NCKAP5: variants seen among roughly 807,000 people sequenced by gnomAD.
NCKAP5 encodes nck-associated protein 5.
NCKAP5 carries 92 observed loss-of-function variants against 167.0 expected under a neutral mutation model. The observed-to-expected ratio is 0.55, with a 90% confidence interval of 0.47 to 0.66. The LOEUF is 0.66. Among genes scored for constraint, NCKAP5 ranks in the 30% least tolerant of loss-of-function variants. The pLI is 0.00. For missense variants in NCKAP5, 2,378 were observed against 2,315.0 expected (o/e 1.03, Z -0.56); for synonymous variants, 891 against 877.4 (o/e 1.02, Z -0.27).
chr2:133,310,493 G>A (rs1314309532), intron 3 of NCKAP5, among the ~76,000 whole-genome samples: 1 of 152,184 alleles, frequency 6.6e-6, no homozygotes, highest in Admixed American at 6.5e-5. Flanking sequence ...TATGACCAGT[G>A]CCTACAGCAC....
At chr2:133,154,552 G>C (rs961884938) in intron 5 of NCKAP5, among the ~76,000 whole-genome samples, 2 of 152,196 alleles carry the variant, frequency 1.3e-5, no homozygotes, top group Non-Finnish European at 2.9e-5. Flanking sequence ...TTAGGTATTT[G>C]ACATGCTGCT....
chr2:133,410,135 C>T (rs1286618576), intron 3 of NCKAP5, among the ~76,000 whole-genome samples: 1 of 152,176 alleles, frequency 6.6e-6, no homozygotes, highest in East Asian at 1.9e-4. Context: ...TTTGCCTCTC[C>T]GTGCCAAGTA....
intron 16 of NCKAP5, among the ~76,000 whole-genome samples, chr2:132,755,853 A>AT (rs1381904698): frequency 2.4e-5 from 3 of 127,274 alleles, no homozygotes; most frequent in African/African-American, 6.6e-5. Flanking sequence ...GCTAAATGGC[A>AT]AAATAATAAT....
At chr2:133,431,015 AAGAC>A (rs1318885629) in intron 3 of NCKAP5, among the ~76,000 whole-genome samples, 10 of 152,100 alleles carry the variant, frequency 6.6e-5, no homozygotes, top group South Asian at 2.1e-4. Context: ...AAGAAAAAGA[AAGAC>A]AGAGAGAGAG....
At chr2:133,332,700 G>C (rs1000630864) in intron 3 of NCKAP5, among the ~76,000 whole-genome samples, 1 of 152,006 alleles carries the variant, frequency 6.6e-6, no homozygotes, top group African/African-American at 2.4e-5. Flanking sequence ...CTTACACCTT[G>C]GGCTTCTAGT....
At chr2:133,482,945 G>T (rs558026954) in intron 3 of NCKAP5, among the ~76,000 whole-genome samples, 7 of 152,066 alleles carry the variant, frequency 4.6e-5, no homozygotes, top group African/African-American at 1.7e-4. Context: ...CTATAGAACC[G>T]ATGCAAAAAT....
At chr2:133,198,391 T>C (rs1327277207) in intron 5 of NCKAP5, among the ~76,000 whole-genome samples, 2 of 151,992 alleles carry the variant, frequency 1.3e-5, no homozygotes, top group Non-Finnish European at 2.9e-5. Context: ...AAGAATATAT[T>C]GAAAATTGCC....
intron 3 of NCKAP5, among the ~76,000 whole-genome samples, chr2:133,394,229 A>T (rs1687599185): frequency 6.6e-6 from 1 of 152,246 alleles, no homozygotes; most frequent in South Asian, 2.1e-4. Context: ...GGTGCTAGCG[A>T]ACTAAAAATA....
chr2:133,456,465 G>A lies in NCKAP5; in HGVS notation c.69+60993C>T, dbSNP rs117265568. 7.8e-4 allele frequency among the ~76,000 whole-genome samples: 118 copies of A among 152,232 alleles called. 2 individuals carry two copies. In the East Asian group the frequency reaches 0.019, roughly 24 times the overall value. ...GCAGAAGCCATGTGATAAGAATGGC[G>A]GGACAGAAGAGAAAAGGAGTGCAGG... is the stretch of plus-strand genomic sequence containing the variant. On this transcript the variant is annotated intron_variant, in intron 3 of 19. Transcript: ENST00000409261.
At chr2:133,182,183 C>T (rs139324973) in intron 5 of NCKAP5, among the ~76,000 whole-genome samples, 2 of 152,302 alleles carry the variant, frequency 1.3e-5, no homozygotes, top group East Asian at 3.9e-4. Context: ...CTTCTCCCAA[C>T]AACTGATAGA....
intron 3 of NCKAP5, among the ~76,000 whole-genome samples, chr2:133,436,826 C>T (rs1171964945): frequency 6.6e-6 from 1 of 152,084 alleles, no homozygotes; most frequent in Non-Finnish European, 1.5e-5. Flanking sequence ...CCTGGATGCC[C>T]CGTTGCCTAT....
chr2:133,349,473 C>A (rs574856713), intron 3 of NCKAP5, among the ~76,000 whole-genome samples: 11 of 152,340 alleles, frequency 7.2e-5, no homozygotes, highest in African/African-American at 2.4e-4. Context: ...ATTCCCCCAG[C>A]ACTGTCTTCC....
At chr2:133,110,638 G>A (rs563794126) in intron 6 of NCKAP5, among the ~76,000 whole-genome samples, 225 of 152,156 alleles carry the variant, frequency 1.5e-3, no homozygotes, top group Non-Finnish European at 2.3e-3. Flanking sequence ...GTGGAAGAAA[G>A]TAGATGAAGT....
rs535029885 is a variant in NCKAP5 at position 133,384,106 on chromosome 2, G to A, written c.70-80996C>T. Among the ~76,000 whole-genome samples the A allele has an allele frequency of 1.2e-3, 188 of 152,232 alleles. 1 individual carries two copies. The highest frequency in any genetic ancestry group is 4.2e-3 in the African/African-American group (174 of 41,540). The stretch of plus-strand genomic sequence containing the variant: ...TTGACTTTTGTTGCCATTGCTTTTG[G>A]TGTTTTAGACATGAAGTCCTTGCCC... On this transcript the variant is annotated intron_variant, in intron 3 of 19. Coordinates refer to ENST00000409261, the MANE Select transcript of NCKAP5 (RefSeq NM_207363.3).
At chr2:132,835,919 T>C (rs946190346) in intron 11 of NCKAP5, among the ~76,000 whole-genome samples, 7 of 152,176 alleles carry the variant, frequency 4.6e-5, no homozygotes, top group African/African-American at 1.7e-4. Context: ...ATAATAATCA[T>C]AGCTAAGGCT....
chr2:132,698,240 A>C (rs1430207743), intron 19 of NCKAP5, among the ~76,000 whole-genome samples: 2 of 152,098 alleles, frequency 1.3e-5, no homozygotes, highest in African/African-American at 4.8e-5. Context: ...ACACCTGCTC[A>C]TTTTTCCTGC....
chr2:132,830,621 T>C (rs1687455354), intron 11 of NCKAP5, among the ~76,000 whole-genome samples: 2 of 152,168 alleles, frequency 1.3e-5, no homozygotes, highest in Non-Finnish European at 2.9e-5. Context: ...CATACTTGCA[T>C]ATCCTGAATA....
chr2:133,309,720 C>G (rs1422280551), intron 3 of NCKAP5, among the ~76,000 whole-genome samples: 1 of 152,138 alleles, frequency 6.6e-6, no homozygotes, highest in Non-Finnish European at 1.5e-5. Flanking sequence ...GTCTTTGTAG[C>G]ATAAGCCCAT....
intron 8 of NCKAP5, among the ~76,000 whole-genome samples, chr2:132,932,988 G>C (rs924691608): frequency 7.2e-6 from 1 of 138,236 alleles, no homozygotes; most frequent in Non-Finnish European, 1.5e-5. Flanking sequence ...GCAGTGGAAC[G>C]ATCTCGGCTC....
Sources: allele counts gnomAD v4.1 joint callset (sites outside exome capture counted in the v4.1 genomes callset), GRCh38; gene constraint gnomAD v4.1.1; transcripts MANE v1.5; gene names NCBI Gene and HGNC (gene_info 2026-07-23, HGNC 2026-07-21).